The following ZNF516 variants were observed in gnomAD, a reference collection of about 807,000 sequenced individuals.
The protein encoded by ZNF516 is zinc finger protein 516.
A neutral mutation model predicts 79.7 loss-of-function variants in ZNF516; 19 were observed. That is an observed-to-expected ratio of 0.24 (90% CI 0.17 to 0.35). The LOEUF is 0.35. ZNF516 is among the 10% of genes least tolerant of loss of function. The pLI, the probability that ZNF516 is intolerant of heterozygous loss-of-function variation, is 1.00. For synonymous variants in ZNF516, 877 were observed against 739.5 expected (o/e 1.19, Z -3.02); for missense variants, 1,678 against 1,679.5 (o/e 1.00, Z 0.02).
At chr18:76,440,270 C>T (rs932549989) in intron 3 of ZNF516, among the ~76,000 whole-genome samples, 26 of 152,300 alleles carry the variant, frequency 1.7e-4, no homozygotes, top group African/African-American at 5.8e-4. Flanking sequence ...AAAAATGACA[C>T]GGTCTTCTGT....
At chr18:76,434,331 G>A (rs1464029140) in intron 3 of ZNF516, among the ~76,000 whole-genome samples, 2 of 152,206 alleles carry the variant, frequency 1.3e-5, no homozygotes, top group Non-Finnish European at 1.5e-5. Context: ...GTTCGGGGCT[G>A]AAAGTCGTAT....
At chr18:76,401,105 T>C (rs768920682) in intron 3 of ZNF516, among the ~76,000 whole-genome samples, 2 of 152,338 alleles carry the variant, frequency 1.3e-5, no homozygotes, top group South Asian at 2.1e-4. Flanking sequence ...TGTTCCATTA[T>C]TGGAACGCTA....
chr18:76,440,442 G>A (rs1442376341), intron 3 of ZNF516, among the ~76,000 whole-genome samples: 1 of 152,198 alleles, frequency 6.6e-6, no homozygotes, highest in Non-Finnish European at 1.5e-5. Context: ...GCTTTGTGGA[G>A]AAACATGCAA....
chr18:76,433,795 G>A (rs779995683), intron 3 of ZNF516, among the ~76,000 whole-genome samples: 2 of 152,126 alleles, frequency 1.3e-5, no homozygotes, highest in African/African-American at 2.4e-5. Flanking sequence ...GATACAGGAG[G>A]GCGACAACAC....
At chr18:76,412,858 A>G (rs2075388276) in intron 3 of ZNF516, among the ~76,000 whole-genome samples, 2 of 151,958 alleles carry the variant, frequency 1.3e-5, no homozygotes, top group South Asian at 4.2e-4. Flanking sequence ...TCTTCCCTCA[A>G]TGTCCCGGGA....
intron 2 of ZNF516, among the ~76,000 whole-genome samples, chr18:76,452,986 G>C (rs1912508406): frequency 1.3e-5 from 2 of 152,122 alleles, no homozygotes; most frequent in Non-Finnish European, 2.9e-5. Flanking sequence ...ATATCAGAAG[G>C]GAAGGAGCCT....
At chr18:76,496,222 G>C, upstream of ZNF516, 1 of 1,236,266 alleles carries the variant, frequency 8.1e-7, no homozygotes, top group Non-Finnish European at 1.0e-6. Flanking sequence ...CACGGCCGGT[G>C]ACGTAGACCC....
intron 2 of ZNF516, among the ~76,000 whole-genome samples, chr18:76,446,768 G>C (rs567543649): frequency 2.0e-5 from 3 of 152,262 alleles, no homozygotes; most frequent in Admixed American, 2.0e-4. Flanking sequence ...CCTATTTCCT[G>C]CTCACTACCT....
intron 6 of ZNF516, among the ~76,000 whole-genome samples, chr18:76,367,852 T>A (rs941257314): frequency 3.9e-5 from 6 of 152,182 alleles, no homozygotes; most frequent in African/African-American, 1.4e-4. Context: ...AAAATGGAAT[T>A]TCCAAATACT....
At chr18:76,429,988 C>T (rs566802692) in intron 3 of ZNF516, among the ~76,000 whole-genome samples, 1 of 152,304 alleles carries the variant, frequency 6.6e-6, no homozygotes, top group Admixed American at 6.5e-5. Flanking sequence ...TGACGCACAA[C>T]CTGTCCAGAA....
intron 3 of ZNF516, among the ~76,000 whole-genome samples, chr18:76,416,330 T>A (rs1599053708): frequency 6.6e-6 from 1 of 152,216 alleles, no homozygotes; most frequent in Non-Finnish European, 1.5e-5. Context: ...ACAAAGCTAG[T>A]GATGCTCCCC....
chr18:76,433,035 G>A (rs2145468019), intron 3 of ZNF516, among the ~76,000 whole-genome samples: 1 of 152,290 alleles, frequency 6.6e-6, no homozygotes, highest in East Asian at 1.9e-4. Context: ...CACATCCTGA[G>A]TGGCAACGAC....
rs777479829 is a variant in ZNF516 at position 76,443,048 on chromosome 18, G to A, written c.7C>T (p.Arg3Cys). The part of the protein sequence containing the change: MD[R>C]NREAEMELRR... Reference sequence around the variant, plus strand: ...AGCTCCATCTCGGCCTCTCTGTTGCGATCCATCCGAAGGACGGGCGCGGCC... The same window carrying A: ...AGCTCCATCTCGGCCTCTCTGTTGCAATCCATCCGAAGGACGGGCGCGGCC... Residue 3 changes from arginine (R) to cysteine (C), a missense_variant, in exon 3 of 7, where the codon CGC becomes TGC. Arg to Cys is a radical substitution (Grantham distance 180, BLOSUM62 -3). Coordinates refer to ENST00000443185, the MANE Select transcript of ZNF516 (RefSeq NM_014643.4). 19 of 1,587,596 alleles carry A rather than the reference G, an allele frequency of 1.2e-5. No homozygotes were observed. Among genetic ancestry groups the A allele is most frequent in the Non-Finnish European group, 1.4e-5 (17 of 1,173,016 alleles).
chr18:76,416,356 C>T (rs547141732), intron 3 of ZNF516, among the ~76,000 whole-genome samples: 1 of 152,340 alleles, frequency 6.6e-6, no homozygotes, highest in African/African-American at 2.4e-5. Flanking sequence ...TGTGAGAATG[C>T]TGTGATGTTC....
Position 76,380,152 on chromosome 18 carries a change from T to C in ZNF516, c.1962A>G (p.Glu654=). 1 of 1,613,934 alleles carries C rather than the reference T, an allele frequency of 6.2e-7. No individual in the cohort carries two copies. ...TTCTAGAAGTCTCTCTGCTACTGTT[T>C]TCAAGTATGGACACAGAAGCTGCGA... ...AGIAASVSIL[E]NSSRETSRRQ... The change falls in exon 4 of 7, where the codon GAA becomes GAG. Residue 654 remains glutamate (E), a synonymous_variant. Coordinates refer to ENST00000443185, the MANE Select transcript of ZNF516 (RefSeq NM_014643.4).
At chr18:76,434,532 T>C (rs1384603008) in intron 3 of ZNF516, among the ~76,000 whole-genome samples, 1 of 152,220 alleles carries the variant, frequency 6.6e-6, no homozygotes, top group Non-Finnish European at 1.5e-5. Flanking sequence ...TGAACATCAC[T>C]GAATGTCTAT....
intron 3 of ZNF516, among the ~76,000 whole-genome samples, chr18:76,407,358 A>G (rs2075316661): frequency 1.3e-5 from 2 of 152,170 alleles, no homozygotes; most frequent in Admixed American, 1.3e-4. Context: ...CCAGGAGATC[A>G]AGGTTGCAGT....
rs1358391428 is a variant in ZNF516, at chr18:76,463,073, T to C, written c.-203A>G. On this transcript the variant is annotated 5_prime_UTR_variant, in exon 2 of 7. Transcript: ENST00000443185. ...GGAAATGCAATGACAACGCTCCCAG[T>C]TGGATGCTGGTACTCTCAGCTAAAA... is the stretch of plus-strand genomic sequence containing the variant. 1 of 152,190 alleles carries C rather than the reference T, an allele frequency of 6.6e-6. No homozygotes were observed. The highest frequency in any genetic ancestry group is 2.4e-5 in the African/African-American group (1 of 41,440). The allele number at this position is 152,190 out of a possible 1,614,324, so 9.4% of individuals were successfully genotyped here.
rs1263623858 is a variant in ZNF516 at position 76,361,991 on chromosome 18, C to A, written c.*507G>T. 6.6e-6 allele frequency: 1 copy of A among 152,600 alleles called. No individual in the cohort carries two copies. Among genetic ancestry groups the A allele is most frequent in the African/African-American group, 2.4e-5 (1 of 41,416 alleles). 9.5% of individuals were successfully genotyped at this position (152,600 alleles called of 1,614,324 possible). A position where few individuals can be genotyped will look rare whatever the true frequency, so the allele number is the denominator to read the frequency against. ...AAATACCCACTAAGACAAGGAGAGGCAGTAGTATTAATACTCGATCAACCT... is the reference window on the plus strand; with the variant it reads ...AAATACCCACTAAGACAAGGAGAGGAAGTAGTATTAATACTCGATCAACCT... On this transcript the variant is annotated 3_prime_UTR_variant, in exon 7 of 7. Transcript: ENST00000443185.
Sources: allele counts gnomAD v4.1 joint callset (sites outside exome capture counted in the v4.1 genomes callset), GRCh38; gene constraint gnomAD v4.1.1; transcripts MANE v1.5; gene names NCBI Gene and HGNC (gene_info 2026-07-23, HGNC 2026-07-21).